Variants in LRRC20 observed in about 807,000 individuals in gnomAD.
The protein encoded by LRRC20 is leucine-rich repeat-containing protein 20.
LRRC20 carries 11 observed loss-of-function variants against 14.4 expected under a neutral mutation model. The ratio of observed to expected loss-of-function variants is 0.77; its 90% CI spans 0.48 to 1.27. The LOEUF (loss-of-function observed/expected upper bound fraction) is 1.27. LRRC20 is among the 50% of genes most tolerant of loss of function. The probability of loss-of-function intolerance (pLI) is 0.00; values close to 1 mark genes in which losing one functional copy is unlikely to be tolerated. For missense variants in LRRC20, 219 were observed against 251.2 expected, an observed-to-expected ratio of 0.87 and a Z score of 0.87; for synonymous variants, 121 against 107.3, an observed-to-expected ratio of 1.13 and a Z score of -0.79.
intron 2 of LRRC20, among the ~76,000 whole-genome samples, chr10:70,355,119 C>T (rs1052693477): frequency 3.3e-5 from 5 of 152,200 alleles, no homozygotes; most frequent in Non-Finnish European, 7.3e-5. Context: ...TGAAATGTCA[C>T]TCAATTTCCA....
At chr10:70,377,917 CA>C (rs1485433832) in intron 1 of LRRC20, among the ~76,000 whole-genome samples, 4 of 152,200 alleles carry the variant, frequency 2.6e-5, no homozygotes, top group Non-Finnish European at 5.9e-5. Flanking sequence ...GGAGACAGGT[CA>C]AATGCTCAAC....
chr10:70,356,733 C>A (rs1238011326), intron 2 of LRRC20, among the ~76,000 whole-genome samples: 1 of 151,200 alleles, frequency 6.6e-6, no homozygotes, highest in African/African-American at 2.4e-5. Flanking sequence ...TGCCTGTAGT[C>A]ACAGCTACTC....
chr10:70,334,770 A>C (rs1416952692), intron 3 of LRRC20, among the ~76,000 whole-genome samples: 1 of 152,200 alleles, frequency 6.6e-6, no homozygotes, highest in Non-Finnish European at 1.5e-5. Context: ...CACTCCCCAA[A>C]GTGTGCAGAG....
chr10:70,374,145 C>G (rs1844410218), intron 2 of LRRC20, among the ~76,000 whole-genome samples: 2 of 152,182 alleles, frequency 1.3e-5, no homozygotes, highest in Non-Finnish European at 2.9e-5. Flanking sequence ...CAGGGCCTCT[C>G]CTCCAACTCA....
rs778987023 is a variant in LRRC20 at position 70,301,505 on chromosome 10, A to T, written c.404T>A (p.Val135Glu). The T allele has an allele frequency of 5.6e-6, 9 of 1,613,862 alleles. No homozygotes were observed. The Admixed American group carries it at 1.5e-4, about 27-fold the overall frequency. ...CATGGCGGCCAGCTTCTCCACGGGC[A>T]CATCTATTGGGGACAGAATGGACAG... is the stretch of plus-strand genomic sequence containing the variant. ...INLEENEIVD[V>E]PVEKLAAMPA... Residue 135 changes from valine to glutamate, a missense_variant, in exon 5 of 5, where the codon GTG (valine) becomes GAG (glutamate). Transcript: ENST00000446961.
chr10:70,352,915 T>A (rs932881417), intron 2 of LRRC20, among the ~76,000 whole-genome samples: 1 of 152,060 alleles, frequency 6.6e-6, no homozygotes, highest in Non-Finnish European at 1.5e-5. Context: ...TATTTTCCCA[T>A]CCCCCAGCTG....
chr10:70,307,277 T>C (rs969093757), intron 4 of LRRC20, among the ~76,000 whole-genome samples: 1 of 152,242 alleles, frequency 6.6e-6, no homozygotes, highest in African/African-American at 2.4e-5. Flanking sequence ...ACCTCTCTAC[T>C]CTGCCAGCAA....
chr10:70,314,656 T>C (rs1039068232), intron 4 of LRRC20, among the ~76,000 whole-genome samples: 27 of 151,910 alleles, frequency 1.8e-4, no homozygotes, highest in Non-Finnish European at 3.5e-4. Context: ...TGCCCAATGA[T>C]TTGAATGCAC....
intron 2 of LRRC20, among the ~76,000 whole-genome samples, chr10:70,360,396 C>T (rs976873946): frequency 6.6e-6 from 1 of 151,420 alleles, no homozygotes; most frequent in Non-Finnish European, 1.5e-5. Flanking sequence ...CATCTCCCTC[C>T]TCCTCCTCCC....
intron 2 of LRRC20, among the ~76,000 whole-genome samples, chr10:70,354,835 G>GT: frequency 6.6e-6 from 1 of 152,162 alleles, no homozygotes; most frequent in Non-Finnish European, 1.5e-5. Flanking sequence ...GGTACTCAGA[G>GT]GCACACGTGA....
chr10:70,378,437 G>A (rs1844586314), intron 1 of LRRC20, among the ~76,000 whole-genome samples: 1 of 151,174 alleles, frequency 6.6e-6, no homozygotes, highest in Admixed American at 6.6e-5. Flanking sequence ...GAGGTCGGGA[G>A]TTGGAAACCA....
In LRRC20 at chr10:70,330,580, C is replaced by A. The variant is rs141424789; in HGVS notation, c.233-6550G>T. On this transcript the variant is annotated intron_variant, in intron 3 of 4. Transcript: ENST00000446961. The stretch of plus-strand genomic sequence containing the variant: ...TGTCAATGTATGTGCCAAATTCCAC[C>A]AAAATTGTTAGAGTAAATCTCCAGG... 2.4e-4 allele frequency among the ~76,000 whole-genome samples: 37 copies of A among 152,238 alleles called. No individual in the cohort carries two copies. In the East Asian group the frequency reaches 7.1e-3, roughly 29 times the overall value.
At chr10:70,353,574 C>T (rs1012920588) in intron 2 of LRRC20, among the ~76,000 whole-genome samples, 1 of 152,102 alleles carries the variant, frequency 6.6e-6, no homozygotes, top group Admixed American at 6.5e-5. Context: ...TGCACCACCA[C>T]GCCCAACTAA....
intron 3 of LRRC20, among the ~76,000 whole-genome samples, chr10:70,325,858 C>G (rs1842295366): frequency 6.6e-6 from 1 of 152,098 alleles, no homozygotes; most frequent in African/African-American, 2.4e-5. Flanking sequence ...TCCTTCTGGC[C>G]TACTCCAGGC....
intron 4 of LRRC20, among the ~76,000 whole-genome samples, chr10:70,320,296 G>GAT (rs1842027485): frequency 6.7e-6 from 1 of 148,328 alleles, no homozygotes; most frequent in South Asian, 2.2e-4. Flanking sequence ...CATGTCCCAG[G>GAT]AGATAGATAG....
At chr10:70,320,969 T>G (rs1039033573) in intron 4 of LRRC20, among the ~76,000 whole-genome samples, 11 of 152,202 alleles carry the variant, frequency 7.2e-5, no homozygotes, top group African/African-American at 2.7e-4. Flanking sequence ...GGCAGCTGCC[T>G]GGATGCTGAG....
intron 2 of LRRC20, among the ~76,000 whole-genome samples, chr10:70,344,629 C>T (rs978467391): frequency 7.9e-5 from 12 of 152,158 alleles, no homozygotes; most frequent in African/African-American, 2.7e-4. Flanking sequence ...TGCAGTGGCA[C>T]GATCTCGGCT....
chr10:70,304,470 T>TTATCTATATCTATCTATATA, intron 4 of LRRC20, among the ~76,000 whole-genome samples: 1 of 113,824 alleles, frequency 8.8e-6, no homozygotes. Flanking sequence ...GGCCACTTCT[T>TTATCTATATCTATCTATATA]TATATATATA....
At position 70,340,629 on chromosome 10, in the gene LRRC20, G is replaced by A. The variant is rs1166500253; in HGVS notation, c.156C>T (p.Ile52=). 1.1e-5 allele frequency: 18 copies of A among 1,614,036 alleles called. No homozygotes were observed. In the South Asian group the frequency reaches 1.5e-4, roughly 14 times the overall value. ...CGTTGTTAGCCAGGGTGATGAGGTGGATCTGGCCAGAGACATTCCGCAGGA... is the reference window on the plus strand; with the variant it reads ...CGTTGTTAGCCAGGGTGATGAGGTGAATCTGGCCAGAGACATTCCGCAGGA... The part of the protein sequence containing the change: ...YKVLRNVSGQ[I]HLITLANNEL... The change falls in exon 3 of 5, where the codon ATC becomes ATT. Residue 52 remains isoleucine, a synonymous_variant. Coordinates refer to ENST00000446961, the MANE Select transcript of LRRC20 (RefSeq NM_001278212.2).
Sources: allele counts gnomAD v4.1 joint callset (sites outside exome capture counted in the v4.1 genomes callset), GRCh38; gene constraint gnomAD v4.1.1; transcripts MANE v1.5; gene names NCBI Gene and HGNC (gene_info 2026-07-23, HGNC 2026-07-21).